The following ACTL6A variants were observed in gnomAD, a reference collection of about 807,000 sequenced individuals.
The protein encoded by ACTL6A is actin-like protein 6A.
In ACTL6A, 5 loss-of-function variants were observed where a neutral mutation model predicts 59.2. That is an observed-to-expected ratio of 0.08 (90% CI 0.04 to 0.18). ACTL6A has a LOEUF of 0.18. ACTL6A is among the 10% of genes least tolerant of loss of function. ACTL6A has a pLI of 1.00. For synonymous variants in ACTL6A, 154 were observed against 171.8 expected (o/e 0.90, Z 0.81); for missense variants, 285 against 526.9 (o/e 0.54, Z 4.49).
chr3:179,579,491 T>A (rs201449836), intron 8 of ACTL6A, among the ~76,000 whole-genome samples: 1 of 101,870 alleles, frequency 9.8e-6, no homozygotes, highest in African/African-American at 5.1e-5. Flanking sequence ...CACACACACA[T>A]TTTAAAGACA....
chr3:179,571,089 A>C (rs1052630671), intron 3 of ACTL6A, among the ~76,000 whole-genome samples: 10 of 151,992 alleles, frequency 6.6e-5, no homozygotes, highest in Non-Finnish European at 7.4e-5. Context: ...TTGAGATAGG[A>C]ATATAAAGGG....
intron 13 of ACTL6A, among the ~76,000 whole-genome samples, chr3:179,587,001 T>C (rs1276898931): frequency 6.6e-6 from 1 of 152,116 alleles, no homozygotes; most frequent in Non-Finnish European, 1.5e-5. Flanking sequence ...AGATCTACAG[T>C]GAGGTCTAGG....
intron 8 of ACTL6A, among the ~76,000 whole-genome samples, chr3:179,577,712 G>A (rs1373025073): frequency 1.3e-5 from 2 of 151,882 alleles, no homozygotes; most frequent in Non-Finnish European, 2.9e-5. Flanking sequence ...GCTCTCACTT[G>A]TAAGTGAGAA....
At chr3:179,567,549 AG>A in intron 1 of ACTL6A, among the ~76,000 whole-genome samples, 1 of 152,332 alleles carries the variant, frequency 6.6e-6, no homozygotes, top group East Asian at 1.9e-4. Context: ...GCAGGGCAAA[AG>A]ATAAATCCTT....
In ACTL6A at chr3:179,581,240, T is replaced by TA. The variant is rs1312103782; in HGVS notation, c.1026+21dup. 6.3e-6 allele frequency: 10 copies of TA among 1,597,078 alleles called. No individual in the cohort carries two copies. Among genetic ancestry groups the TA allele is most frequent in the African/African-American group, 2.7e-5 (2 of 74,568 alleles). Reference sequence around the variant, plus strand: ...AGACCAGTAAGTGCCAGTCTCCTGTTACGGTTTAAAGGTATCTTTTAGGGG... The same window carrying TA: ...AGACCAGTAAGTGCCAGTCTCCTGTTAACGGTTTAAAGGTATCTTTTAGGGG... On this transcript the variant is annotated intron_variant, in intron 11 of 13. Coordinates refer to ENST00000429709, the MANE Select transcript of ACTL6A (RefSeq NM_004301.5).
intron 3 of ACTL6A, among the ~76,000 whole-genome samples, chr3:179,572,780 G>T (rs1470707050): frequency 6.6e-6 from 1 of 152,068 alleles, no homozygotes; most frequent in Non-Finnish European, 1.5e-5. Context: ...ACTCCAGTGT[G>T]GGGGACAGAA....
At chr3:179,568,174 C>CA (rs770514808) in intron 1 of ACTL6A, among the ~76,000 whole-genome samples, 2,935 of 55,980 alleles carry the variant, frequency 0.052, 108 homozygotes, top group African/African-American at 0.13. Flanking sequence ...GACTCCGTGT[C>CA]AAAAAAAAAA....
chr3:179,567,470 G>A (rs1465224864), intron 1 of ACTL6A, among the ~76,000 whole-genome samples: 1 of 152,102 alleles, frequency 6.6e-6, no homozygotes, highest in Non-Finnish European at 1.5e-5. Flanking sequence ...TGAATTTTAG[G>A]GCGACACAAT....
chr3:179,570,017 C>T lies in ACTL6A; in HGVS notation c.103-50C>T. 3 of 1,585,154 alleles carry T rather than the reference C, an allele frequency of 1.9e-6. No homozygotes were observed. Among genetic ancestry groups the T allele is most frequent in the Non-Finnish European group, 2.6e-6 (3 of 1,165,892 alleles). On this transcript the variant is annotated intron_variant, in intron 2 of 13. Coordinates refer to ENST00000429709, the MANE Select transcript of ACTL6A (RefSeq NM_004301.5). This position sits in a 1 kb window ranked among gnomAD's most constrained non-coding sequence, Gnocchi z 4.3. ...AAATACATTAATTGGGGAAAAAATGCCTTCTTGATGAAAGGTGAAACTTGT... is the reference window on the plus strand; with the variant it reads ...AAATACATTAATTGGGGAAAAAATGTCTTCTTGATGAAAGGTGAAACTTGT...
At position 179,576,396 on chromosome 3, in the gene ACTL6A, A is replaced by T. The variant is rs1251344290; in HGVS notation, c.571+85A>T. On this transcript the variant is annotated intron_variant, in intron 6 of 13. Transcript: ENST00000429709. Reference sequence around the variant, plus strand: ...ATGAAATAAAATGATGAGTAGCACTATTAAAGCATATCAGTTTCTGAATAA... The same window carrying T: ...ATGAAATAAAATGATGAGTAGCACTTTTAAAGCATATCAGTTTCTGAATAA... The T allele has an allele frequency of 2.9e-6, 3 of 1,042,298 alleles. No individual in the cohort carries two copies. The Admixed American group carries it at 7.7e-5, about 27-fold the overall frequency. 64.6% of individuals were successfully genotyped at this position (1,042,298 alleles called of 1,614,324 possible). A position where few individuals can be genotyped will look rare whatever the true frequency, so the allele number is the denominator to read the frequency against.
chr3:179,587,941 A>G lies in ACTL6A; in HGVS notation c.1221A>G (p.Gln407=). The stretch of plus-strand genomic sequence containing the variant: ...TTTCCATTTTACAGGGTACCTTTCA[A>G]CAGATGTGGATTTCCAAGCAAGAAT... The part of the protein sequence containing the change: ...GSILASLGTF[Q]QMWISKQEYE... The change falls in exon 14 of 14, where the codon CAA becomes CAG. Residue 407 remains glutamine, a synonymous_variant. Coordinates refer to ENST00000429709, the MANE Select transcript of ACTL6A (RefSeq NM_004301.5). 1 of 1,606,492 alleles carries G rather than the reference A, an allele frequency of 6.2e-7. No individual in the cohort carries two copies. The highest frequency in any genetic ancestry group is 1.1e-5 in the South Asian group (1 of 89,136).
rs1439383509 is a variant in ACTL6A at position 179,588,335 on chromosome 3, G to A, written c.*325G>A. ...TGGTAGAACTGCTTTTTATTGACTA[G>A]TAAAAGTTACTGCCTATGCTTTTTA... On this transcript the variant is annotated 3_prime_UTR_variant, in exon 14 of 14. Transcript: ENST00000429709. 4.4e-6 allele frequency: 1 copy of A among 228,258 alleles called. No individual in the cohort carries two copies. The highest frequency in any genetic ancestry group is 1.2e-4 in the South Asian group (1 of 8,364). The allele number at this position is 228,258 out of a possible 1,614,324, so 14.1% of individuals were successfully genotyped here. A position where few individuals can be genotyped will look rare whatever the true frequency, so the allele number is the denominator to read the frequency against.
chr3:179,583,271 G>T, intron 11 of ACTL6A, 82 bp from the exon 12 acceptor site: 1 of 1,075,584 alleles, frequency 9.3e-7, no homozygotes, highest in South Asian at 1.4e-5. Context: ...TTGTAGTAGA[G>T]CACATGGTTA....
At chr3:179,586,466 TG>T (rs112931844) in intron 12 of ACTL6A, 79 bp from the exon 13 acceptor site, 88,327 of 668,780 alleles carry the variant, frequency 0.13, 1,032 homozygotes, top group East Asian at 0.21. Context: ...TGTCTCTATT[TG>T]AAAAAAAAAA....
intron 11 of ACTL6A, among the ~76,000 whole-genome samples, chr3:179,582,555 ATT>A (rs1718368259): frequency 1.3e-5 from 2 of 152,234 alleles, no homozygotes; most frequent in Non-Finnish European, 2.9e-5. Context: ...AGAGTTTATC[ATT>A]GTCTGTCATA....
chr3:179,570,958 A>C lies in ACTL6A; in HGVS notation c.277+717A>C, dbSNP rs2108357612. Among the ~76,000 whole-genome samples the C allele has an allele frequency of 6.6e-6, 1 of 152,308 alleles. No individual in the cohort carries two copies. Among genetic ancestry groups the C allele is most frequent in the East Asian group, 1.9e-4 (1 of 5,190 alleles). On this transcript the variant is annotated intron_variant, in intron 3 of 13. Coordinates refer to ENST00000429709, the MANE Select transcript of ACTL6A (RefSeq NM_004301.5). The surrounding 1 kb of genome is among the most constrained non-coding windows in gnomAD (Gnocchi z 4.3). ...TAATGCTGGTAGAGATTCTGAAGGG[A>C]CTTTCAGGGTAACCAGGAGACAAAT...
At chr3:179,585,515 TAAC>T (rs1718462350) in intron 12 of ACTL6A, among the ~76,000 whole-genome samples, 1 of 152,142 alleles carries the variant, frequency 6.6e-6, no homozygotes, top group African/African-American at 2.4e-5. Context: ...TAGGAGGTGA[TAAC>T]AATCTCTGAA....
chr3:179,575,737 T>C (rs1321355891), intron 5 of ACTL6A, among the ~76,000 whole-genome samples: 2 of 152,148 alleles, frequency 1.3e-5, no homozygotes, highest in Admixed American at 1.3e-4. Context: ...GCTCATTGAG[T>C]TGGAGGAGAT....
chr3:179,576,359 A>G, intron 6 of ACTL6A, 48 bp downstream of exon 6: 1 of 1,350,880 alleles, frequency 7.4e-7, no homozygotes, highest in South Asian at 1.4e-5. Flanking sequence ...AGATGCCATG[A>G]GGATGCACAT....
Sources: allele counts gnomAD v4.1 joint callset (sites outside exome capture counted in the v4.1 genomes callset), GRCh38; gene constraint gnomAD v4.1.1; non-coding constraint Gnocchi (gnomAD v3.1); transcripts MANE v1.5; gene names NCBI Gene and HGNC (gene_info 2026-07-23, HGNC 2026-07-21).